The following CUX1 variants were observed in gnomAD, a reference collection of about 807,000 sequenced individuals.
CUX1 encodes the protein protein CASP.
CUX1 carries 31 observed loss-of-function variants against 158.8 expected under a neutral mutation model. That is an observed-to-expected ratio of 0.20 (90% CI 0.15 to 0.26). The LOEUF (loss-of-function observed/expected upper bound fraction) is 0.26. Ranked by LOEUF, CUX1 falls within the 10% of genes least tolerant of loss-of-function variation. The pLI is 1.00. For missense variants in CUX1, 1,589 were observed against 2,014.6 expected (o/e 0.79, Z 4.04); for synonymous variants, 879 against 862.1 (o/e 1.02, Z -0.34).
At chr7:102,259,528 C>T (rs1554543084), downstream of CUX1, among the ~76,000 whole-genome samples, 1 of 152,034 alleles carries the variant, frequency 6.6e-6, no homozygotes, top group Non-Finnish European at 1.5e-5. Context: ...GCAGAGGTTA[C>T]GGTGAGCCGA....
chr7:102,062,552 C>G (rs1319614543), intron 3 of CUX1, among the ~76,000 whole-genome samples: 1 of 152,148 alleles, frequency 6.6e-6, no homozygotes, highest in Non-Finnish European at 1.5e-5. Flanking sequence ...TCACTGTCAC[C>G]CAGGCTGGAG....
chr7:101,901,162 C>T (rs1338818666), intron 1 of CUX1, among the ~76,000 whole-genome samples: 1 of 152,106 alleles, frequency 6.6e-6, no homozygotes, highest in South Asian at 2.1e-4. Context: ...CCAAATGCCC[C>T]TACTGCTTCC....
intron 8 of CUX1, among the ~76,000 whole-genome samples, chr7:102,118,644 G>A (rs942344605): frequency 6.6e-6 from 1 of 152,172 alleles, no homozygotes; most frequent in Admixed American, 6.5e-5. Flanking sequence ...GGTCCACTAC[G>A]AGCTCTCTGC....
At chr7:101,834,487 T>A (rs1794412841) in intron 1 of CUX1, among the ~76,000 whole-genome samples, 1 of 152,162 alleles carries the variant, frequency 6.6e-6, no homozygotes, top group Non-Finnish European at 1.5e-5. Flanking sequence ...TTTCTATTTT[T>A]AAAGAAAGAG....
intron 1 of CUX1, among the ~76,000 whole-genome samples, chr7:101,821,605 TG>T (rs1291873844): frequency 6.6e-6 from 1 of 150,926 alleles, no homozygotes; most frequent in Non-Finnish European, 1.5e-5. Context: ...CCCGAAGTGC[TG>T]GGATTACAGG....
chr7:102,216,121 T>TG (rs1797017847), intron 20 of CUX1, among the ~76,000 whole-genome samples: 1 of 152,148 alleles, frequency 6.6e-6, no homozygotes, highest in Non-Finnish European at 1.5e-5. Flanking sequence ...CTGGACAACA[T>TG]GGGGAAACCC....
At chr7:102,164,941 G>T (rs970002687) in intron 9 of CUX1, among the ~76,000 whole-genome samples, 17 of 151,896 alleles carry the variant, frequency 1.1e-4, no homozygotes, top group African/African-American at 4.1e-4. Context: ...CCCCTCCCCC[G>T]CCATATAAAA....
intron 20 of CUX1, among the ~76,000 whole-genome samples, chr7:102,213,922 C>G (rs1444657363): frequency 2.0e-5 from 3 of 152,136 alleles, no homozygotes; most frequent in African/African-American, 7.2e-5. Context: ...CACCTGAGGT[C>G]AGGAGTTCAA....
intron 11 of CUX1, among the ~76,000 whole-genome samples, chr7:102,181,188 G>A (rs1310018763): frequency 2.0e-5 from 3 of 151,912 alleles, no homozygotes; most frequent in East Asian, 3.9e-4. Context: ...TGATCCACCC[G>A]CCTCCGCCTC....
In CUX1 at chr7:102,255,973, C is replaced by A; in HGVS notation, c.*6931C>A. On this transcript the variant is annotated 3_prime_UTR_variant, in exon 24 of 24. Transcript: ENST00000292535. ...GCACACCAAATGAACTCAAAGTAAG[C>A]TTTAGACCAGGACGATTCAGGTTAT... The A allele has an allele frequency of 1.0e-6, 1 of 985,376 alleles. No individual in the cohort carries two copies. Among genetic ancestry groups the A allele is most frequent in the Non-Finnish European group, 1.2e-6 (1 of 829,926 alleles). 61.0% of individuals were successfully genotyped at this position (985,376 alleles called of 1,614,324 possible). A position where few individuals can be genotyped will look rare whatever the true frequency, so the allele number is the denominator to read the frequency against.
chr7:101,821,736 G>A (rs1211375914), intron 1 of CUX1, among the ~76,000 whole-genome samples: 2 of 107,904 alleles, frequency 1.9e-5, no homozygotes, highest in Non-Finnish European at 3.5e-5. Context: ...GTGCAGTGGT[G>A]CGATCTCGGC....
Position 101,916,408 on chromosome 7 carries a change from G to T in CUX1, c.141+183G>T. 2.0e-6 allele frequency: 1 copy of T among 510,608 alleles called. No individual in the cohort carries two copies. The allele number at this position is 510,608 out of a possible 1,614,324, so 31.6% of individuals were successfully genotyped here. On this transcript the variant is annotated intron_variant, in intron 2 of 23. Transcript: ENST00000292535. This position sits in a 1 kb window ranked among gnomAD's most constrained non-coding sequence, Gnocchi z 4.4. ...GAACGCATGCCATCCTGCAGGCTGT[G>T]GGGATGTGGAAATTGATAGGTTGTC...
intron 14 of CUX1, among the ~76,000 whole-genome samples, chr7:102,269,715 C>T (rs569139207): frequency 4.4e-4 from 67 of 152,066 alleles, no homozygotes; most frequent in Non-Finnish European, 8.8e-4. Flanking sequence ...TGAGCCACCA[C>T]GCCCACCCCC....
At chr7:101,936,720 G>GCCGTCC in intron 2 of CUX1, among the ~76,000 whole-genome samples, 1 of 152,260 alleles carries the variant, frequency 6.6e-6, no homozygotes, top group African/African-American at 2.4e-5. Flanking sequence ...CGCCAGCCCT[G>GCCGTCC]CCATCCCCAC....
chr7:102,241,040 G>A (rs1258931857), intron 23 of CUX1, among the ~76,000 whole-genome samples: 1 of 152,002 alleles, frequency 6.6e-6, no homozygotes, highest in Non-Finnish European at 1.5e-5. Context: ...GGCTGGTCTC[G>A]AACTCCTGAC....
intron 18 of CUX1, among the ~76,000 whole-genome samples, chr7:102,279,686 G>C (rs542511309): frequency 9.2e-4 from 139 of 151,626 alleles, no homozygotes; most frequent in African/African-American, 3.0e-3. Context: ...GTGGCCAGCT[G>C]GGGGGCGTCT....
intron 11 of CUX1, among the ~76,000 whole-genome samples, chr7:102,183,535 C>T (rs1793338967): frequency 2.0e-5 from 3 of 152,190 alleles, no homozygotes; most frequent in African/African-American, 2.4e-5. Context: ...GCTGCCTCTG[C>T]CTGAGGAACC....
At chr7:102,096,316 C>G (rs1336182960) in intron 4 of CUX1, among the ~76,000 whole-genome samples, 1 of 151,610 alleles carries the variant, frequency 6.6e-6, no homozygotes, top group Admixed American at 6.6e-5. Flanking sequence ...GAAGGAGGAT[C>G]GTAATGGAAA....
chr7:102,060,236 C>T (rs1159636991), intron 3 of CUX1, among the ~76,000 whole-genome samples: 1 of 151,872 alleles, frequency 6.6e-6, no homozygotes, highest in Non-Finnish European at 1.5e-5. Flanking sequence ...CGAGATCACA[C>T]CACTGCACTC....
Sources: gnomAD v4.1 joint callset for allele counts (sites outside exome capture counted in the v4.1 genomes callset) on GRCh38, gnomAD v4.1.1 for gene constraint, Gnocchi (gnomAD v3.1) non-coding constraint, MANE v1.5 for transcripts, NCBI Gene and HGNC (gene_info 2026-07-23, HGNC 2026-07-21) for gene names.